PLCB1: variants seen among roughly 807,000 people sequenced by gnomAD.
The protein encoded by PLCB1 is phospholipase C beta 1, also known as 1-phosphatidylinositol 4,5-bisphosphate phosphodiesterase beta-1.
Under a neutral mutation model 161.8 loss-of-function variants are expected in PLCB1, and 46 were observed. The observed-to-expected ratio is 0.28, with a 90% CI of 0.22 to 0.36. PLCB1 has a LOEUF of 0.36. PLCB1 is among the 10% of genes least tolerant of loss of function. The probability of loss-of-function intolerance (pLI) is 1.00; values close to 1 mark genes in which losing one functional copy is unlikely to be tolerated. For synonymous variants in PLCB1, 517 were observed against 503.7 expected (o/e 1.03, Z -0.35); for missense variants, 1,016 against 1,472.5 (o/e 0.69, Z 5.07).
At chr20:8,434,458 C>T (rs1379271269) in intron 3 of PLCB1, among the ~76,000 whole-genome samples, 1 of 152,174 alleles carries the variant, frequency 6.6e-6, no homozygotes, top group African/African-American at 2.4e-5. Flanking sequence ...TTATTCACTG[C>T]TTTATTGCTA....
chr20:8,846,061 A>G (rs1986679851), intron 31 of PLCB1, among the ~76,000 whole-genome samples: 1 of 152,180 alleles, frequency 6.6e-6, no homozygotes, highest in African/African-American at 2.4e-5. Flanking sequence ...ACTACCTGAG[A>G]GTGCGTAATT....
chr20:8,168,783 T>C (rs1342273602), intron 2 of PLCB1, among the ~76,000 whole-genome samples: 1 of 151,772 alleles, frequency 6.6e-6, no homozygotes, highest in African/African-American at 2.4e-5. Flanking sequence ...GTATCCTGTG[T>C]TGGGAAATGG....
chr20:8,697,578 A>G (rs1448620821), intron 10 of PLCB1, 48 bp from the exon 11 acceptor site: 1 of 1,600,194 alleles, frequency 6.2e-7, no homozygotes, highest in African/African-American at 1.3e-5. Flanking sequence ...CACCACGGTC[A>G]TCCTTGCTTC....
At chr20:8,495,724 T>C (rs1359372515) in intron 3 of PLCB1, among the ~76,000 whole-genome samples, 2 of 152,230 alleles carry the variant, frequency 1.3e-5, no homozygotes, top group East Asian at 3.9e-4. Context: ...TAACCAATCA[T>C]GCCACTAGCT....
At chr20:8,133,170 T>G (rs1369262734) in intron 1 of PLCB1, among the ~76,000 whole-genome samples, 9 of 152,106 alleles carry the variant, frequency 5.9e-5, no homozygotes, top group Non-Finnish European at 1.3e-4. Flanking sequence ...TTTGCCCGAT[T>G]TCAAGAAGGA....
chr20:8,620,747 CAAAAAAA>C (rs779029928), intron 3 of PLCB1, among the ~76,000 whole-genome samples: 202 of 75,248 alleles, frequency 2.7e-3, no homozygotes, highest in African/African-American at 8.3e-3. Flanking sequence ...CTGCCCCCAC[CAAAAAAA>C]AAAAAAAAAA....
chr20:8,583,836 G>C (rs774061610), intron 3 of PLCB1, among the ~76,000 whole-genome samples: 1 of 152,168 alleles, frequency 6.6e-6, no homozygotes, highest in Non-Finnish European at 1.5e-5. Context: ...CAATCATGTG[G>C]AGCAGCGGTT....
At chr20:8,493,069 C>T (rs927193745) in intron 3 of PLCB1, among the ~76,000 whole-genome samples, 2 of 152,038 alleles carry the variant, frequency 1.3e-5, no homozygotes, top group Non-Finnish European at 1.5e-5. Flanking sequence ...GGTGTGGGCA[C>T]CTCTCAATGG....
intron 3 of PLCB1, among the ~76,000 whole-genome samples, chr20:8,616,273 A>G (rs927052538): frequency 1.3e-5 from 2 of 151,854 alleles, no homozygotes; most frequent in African/African-American, 2.4e-5. Context: ...ATTTCACCCA[A>G]CCTTCTCTAC....
At chr20:8,658,440 A>AT in intron 8 of PLCB1, 98 bp from the exon 9 acceptor site, 7 of 917,696 alleles carry the variant, frequency 7.6e-6, no homozygotes, top group Non-Finnish European at 1.1e-5. Context: ...GCATTTTCTT[A>AT]TCAAGTATAA....
At chr20:8,186,666 A>G (rs79853795) in intron 2 of PLCB1, among the ~76,000 whole-genome samples, 6,836 of 152,302 alleles carry the variant, frequency 0.045, 197 homozygotes, top group Middle Eastern at 0.13. Context: ...TTCTCTGAGA[A>G]GCAGACATCA....
intron 2 of PLCB1, among the ~76,000 whole-genome samples, chr20:8,283,536 C>A (rs1171275971): frequency 6.7e-6 from 1 of 149,332 alleles, no homozygotes; most frequent in Non-Finnish European, 1.5e-5. Context: ...TGCATAGTAT[C>A]ATATACTTAT....
intron 3 of PLCB1, among the ~76,000 whole-genome samples, chr20:8,573,961 A>C (rs1198603469): frequency 6.6e-6 from 1 of 151,634 alleles, no homozygotes; most frequent in Non-Finnish European, 1.5e-5. Context: ...AAAAAGATAA[A>C]TGTAGATTTT....
intron 10 of PLCB1, among the ~76,000 whole-genome samples, chr20:8,692,253 C>T (rs541189646): frequency 6.6e-6 from 1 of 152,226 alleles, no homozygotes; most frequent in African/African-American, 2.4e-5. Flanking sequence ...GATTTAAGAC[C>T]TAGCTGTACC....
intron 27 of PLCB1, among the ~76,000 whole-genome samples, chr20:8,777,826 A>T (rs1427245661): frequency 1.3e-5 from 2 of 152,166 alleles, no homozygotes; most frequent in South Asian, 2.1e-4. Context: ...AACTGGACTT[A>T]AACTTCACCG....
intron 3 of PLCB1, among the ~76,000 whole-genome samples, chr20:8,520,349 G>T (rs568294078): frequency 6.6e-6 from 1 of 152,132 alleles, no homozygotes; most frequent in African/African-American, 2.4e-5. Flanking sequence ...TAGGTGGTGG[G>T]ACAAAGACTA....
chr20:8,159,076 C>G (rs1328128261), intron 2 of PLCB1, among the ~76,000 whole-genome samples: 1 of 152,164 alleles, frequency 6.6e-6, no homozygotes, highest in Non-Finnish European at 1.5e-5. Context: ...ACTGGGGGCT[C>G]CAACCCCACA....
Position 8,878,506 on chromosome 20 carries a change from G to A in PLCB1, c.3424-3116G>A, listed in dbSNP as rs147618130. ...AGTGACTCGTATGTGCCAACATGGA[G>A]AGTAGGGCCCTGTACAAGGTGCTCC... On this transcript the variant is annotated intron_variant, in intron 31 of 31. Transcript: ENST00000338037. Among the ~76,000 whole-genome samples, 7 of 152,270 alleles carry A rather than the reference G, an allele frequency of 4.6e-5. No individual in the cohort carries two copies. The East Asian group carries it at 1.4e-3, about 29-fold the overall frequency.
intron 2 of PLCB1, among the ~76,000 whole-genome samples, chr20:8,343,438 T>A (rs1229087658): frequency 2.6e-5 from 4 of 152,228 alleles, no homozygotes; most frequent in African/African-American, 9.6e-5. Context: ...GTGATGCTGC[T>A]GCTGATGGTC....
Sources: allele counts gnomAD v4.1 joint callset (sites outside exome capture counted in the v4.1 genomes callset), GRCh38; gene constraint gnomAD v4.1.1; transcripts MANE v1.5; gene names NCBI Gene and HGNC (gene_info 2026-07-23, HGNC 2026-07-21).